The following MAU2 variants were observed in gnomAD, a reference collection of about 807,000 sequenced individuals.
MAU2 encodes the protein MAU2 sister chromatid cohesion factor.
MAU2 carries 9 observed loss-of-function variants against 89.1 expected under a neutral mutation model. The ratio of observed to expected loss-of-function variants is 0.10; its 90% CI spans 0.06 to 0.18. The LOEUF (loss-of-function observed/expected upper bound fraction) is 0.18. Ranked by LOEUF, MAU2 falls within the 10% of genes least tolerant of loss-of-function variation. MAU2 has a pLI of 1.00. For synonymous variants in MAU2, 357 were observed against 343.4 expected, an observed-to-expected ratio of 1.04 and a Z score of -0.44; for missense variants, 425 against 803.5, an observed-to-expected ratio of 0.53 and a Z score of 5.69.
At chr19:19,355,620 G>A in intron 18 of MAU2, 88 bp from the exon 19 acceptor site, 2 of 1,292,926 alleles carry the variant, frequency 1.5e-6, no homozygotes, top group Non-Finnish European at 2.2e-6. Flanking sequence ...CCGGCTGTGT[G>A]AGCAGCCCAA....
chr19:19,350,169 G>T (rs899002926), intron 16 of MAU2, among the ~76,000 whole-genome samples: 2 of 151,144 alleles, frequency 1.3e-5, no homozygotes, highest in African/African-American at 4.9e-5. Flanking sequence ...GGTGGTGGAC[G>T]CCTGTAATCC....
chr19:19,334,801 A>G (rs973052131), intron 1 of MAU2, among the ~76,000 whole-genome samples: 7 of 152,078 alleles, frequency 4.6e-5, no homozygotes, highest in Non-Finnish European at 1.5e-5. Flanking sequence ...TTCCTGGAGA[A>G]CTGGCCCCTC....
chr19:19,356,104 C>A lies in MAU2; in HGVS notation c.*322C>A. 1.9e-6 allele frequency: 1 copy of A among 527,838 alleles called. No individual in the cohort carries two copies. The highest frequency in any genetic ancestry group is 3.7e-6 in the Non-Finnish European group (1 of 272,904). 32.7% of individuals were successfully genotyped at this position (527,838 alleles called of 1,614,324 possible). On this transcript the variant is annotated 3_prime_UTR_variant, in exon 19 of 19. Coordinates refer to ENST00000262815, the MANE Select transcript of MAU2 (RefSeq NM_015329.4). Reference sequence around the variant, plus strand: ...CCAGGAGTAGGGTGCAGGCCTCCAGCAGGTCCTAATCCTGTGTGCCAGGGC... The same window carrying A: ...CCAGGAGTAGGGTGCAGGCCTCCAGAAGGTCCTAATCCTGTGTGCCAGGGC...
chr19:19,345,351 G>A lies in MAU2; in HGVS notation c.1203G>A (p.Gln401=), dbSNP rs775613327. ...SVNCMDNAEA[Q]FTTALRLTNH... ...ACTGCATGGACAACGCGGAAGCCCA[G>A]TTCACCACGGCCCTGCGGGTAAGGT... Residue 401 remains glutamine, a synonymous_variant, in exon 12 of 19, where the codon CAG becomes CAA. Coordinates refer to ENST00000262815, the MANE Select transcript of MAU2 (RefSeq NM_015329.4). The surrounding 1 kb of genome is among the most constrained non-coding windows in gnomAD (Gnocchi z 4.9). 6.2e-7 allele frequency: 1 copy of A among 1,613,882 alleles called. No homozygotes were observed. The highest frequency in any genetic ancestry group is 1.1e-5 in the South Asian group (1 of 91,086).
At chr19:19,355,029 C>A in intron 17 of MAU2, 1 of 488,190 alleles carries the variant, frequency 2.0e-6, no homozygotes, top group Non-Finnish European at 3.7e-6. Context: ...GGAGGGCTGG[C>A]GAGAAGCCTG....
intron 1 of MAU2, among the ~76,000 whole-genome samples, chr19:19,326,603 G>A (rs1048363328): frequency 7.3e-5 from 11 of 150,382 alleles, no homozygotes; most frequent in African/African-American, 9.8e-5. Context: ...GGAGAATGGC[G>A]TGAACCCGGG....
At position 19,328,661 on chromosome 19, in the gene MAU2, TC is replaced by T. The variant is rs1183484024; in HGVS notation, c.277-7055del. ...TGGTTTCGATCTCCTGACCTCGTAA[TC>T]CGCCCGCCTCAGCCTCCCAAAGTGC... On this transcript the variant is annotated intron_variant, in intron 1 of 18. Transcript: ENST00000262815. Among the ~76,000 whole-genome samples the T allele has an allele frequency of 4.6e-5, 7 of 152,198 alleles. No individual in the cohort carries two copies. The East Asian group carries it at 1.2e-3, about 25-fold the overall frequency.
chr19:19,330,886 G>A (rs2061550113), intron 1 of MAU2, among the ~76,000 whole-genome samples: 1 of 152,132 alleles, frequency 6.6e-6, no homozygotes, highest in Non-Finnish European at 1.5e-5. Context: ...GGGATACCAT[G>A]TCTAAAAACT....
At chr19:19,347,238 G>A in intron 12 of MAU2, 42 bp from the exon 13 acceptor site, 2 of 1,336,746 alleles carry the variant, frequency 1.5e-6, no homozygotes, top group South Asian at 1.2e-5. Flanking sequence ...ATGGGTCACA[G>A]CACCCGACCC....
intron 7 of MAU2, among the ~76,000 whole-genome samples, chr19:19,341,971 A>C (rs2061652160): frequency 1.3e-5 from 2 of 152,090 alleles, no homozygotes; most frequent in East Asian, 3.9e-4. Context: ...GCCACAGGCG[A>C]GTCTCCACAG....
At chr19:19,331,281 C>T (rs778630857) in intron 1 of MAU2, among the ~76,000 whole-genome samples, 1 of 151,760 alleles carries the variant, frequency 6.6e-6, no homozygotes, top group Non-Finnish European at 1.5e-5. Context: ...AGGCAGATAA[C>T]AAGGTCAGGA....
At position 19,343,329 on chromosome 19, in the gene MAU2, C is replaced by T. The variant is rs541582438; in HGVS notation, c.973+463C>T. On this transcript the variant is annotated intron_variant, in intron 9 of 18. Transcript: ENST00000262815. ...TGGCTGGTATAGTGTGCCCATTAGT[C>T]GGTCTGTTTGCTCCCTCGTGAGTGC... Among the ~76,000 whole-genome samples the T allele has an allele frequency of 1.2e-3, 190 of 152,312 alleles. 2 individuals carry two copies. Among genetic ancestry groups the T allele is most frequent in the African/African-American group, 4.4e-3 (183 of 41,558 alleles).
At chr19:19,337,075 C>G in intron 3 of MAU2, 95 bp from the exon 4 acceptor site, 1 of 915,040 alleles carries the variant, frequency 1.1e-6, no homozygotes, top group Non-Finnish European at 1.7e-6. Context: ...CAGGAACTGC[C>G]TTCTGGCACC....
chr19:19,336,241 C>A, intron 3 of MAU2, 54 bp downstream of exon 3: 2 of 1,300,842 alleles, frequency 1.5e-6, no homozygotes, highest in African/African-American at 1.5e-5. Flanking sequence ...GTCGCTAAGA[C>A]ATGACAGCAC....
In MAU2 at chr19:19,356,185, G is replaced by A. The variant is rs570934102; in HGVS notation, c.*403G>A. ...TCTCCATCACCCAGGCCTTGATGCC[G>A]AGCGGGAGTAGAGTGTTTCCTCTGC... is the stretch of plus-strand genomic sequence containing the variant. On this transcript the variant is annotated 3_prime_UTR_variant, in exon 19 of 19. Transcript: ENST00000262815. The A allele has an allele frequency of 9.5e-5, 37 of 391,342 alleles. No individual in the cohort carries two copies. Among genetic ancestry groups the A allele is most frequent in the Admixed American group, 4.9e-4 (16 of 32,414 alleles). 24.2% of individuals were successfully genotyped at this position (391,342 alleles called of 1,614,324 possible).
At chr19:19,338,122 C>T (rs755301104) in intron 4 of MAU2, among the ~76,000 whole-genome samples, 11 of 152,230 alleles carry the variant, frequency 7.2e-5, no homozygotes, top group Non-Finnish European at 1.2e-4. Context: ...GTCCCTCACC[C>T]CAGGAGGGTC....
At chr19:19,341,777 C>T (rs1353928098) in intron 7 of MAU2, among the ~76,000 whole-genome samples, 1 of 152,176 alleles carries the variant, frequency 6.6e-6, no homozygotes, top group Non-Finnish European at 1.5e-5. Context: ...TCTGTCTGGC[C>T]CCCGGCTGTG....
chr19:19,330,320 C>T (rs967747194), intron 1 of MAU2, among the ~76,000 whole-genome samples: 1 of 151,978 alleles, frequency 6.6e-6, no homozygotes, highest in South Asian at 2.1e-4. Flanking sequence ...ACAGGCCAGG[C>T]ATGGTGGCTC....
intron 16 of MAU2, 81 bp from the exon 17 acceptor site, chr19:19,354,274 A>T: frequency 9.1e-7 from 1 of 1,101,316 alleles, no homozygotes; most frequent in Non-Finnish European, 1.4e-6. Flanking sequence ...TGGGTTCCAG[A>T]TTATCCCCAC....
Sources: gnomAD v4.1 joint callset for allele counts (sites outside exome capture counted in the v4.1 genomes callset) on GRCh38, gnomAD v4.1.1 for gene constraint, Gnocchi (gnomAD v3.1) non-coding constraint, MANE v1.5 for transcripts, NCBI Gene and HGNC (gene_info 2026-07-23, HGNC 2026-07-21) for gene names.